BMPER: variants seen among roughly 807,000 people sequenced by gnomAD.
BMPER encodes BMP binding endothelial regulator, also known as BMP-binding endothelial regulator protein.
A neutral mutation model predicts 87.3 loss-of-function variants in BMPER; 45 were observed. The ratio of observed to expected loss-of-function variants is 0.52; its 90% confidence interval spans 0.41 to 0.66. The LOEUF (loss-of-function observed/expected upper bound fraction) is 0.66, where lower values mean the gene tolerates loss of function less well. Ranked by LOEUF, BMPER falls within the 30% of genes least tolerant of loss-of-function variation. BMPER has a pLI of 0.00. For synonymous variants in BMPER, 326 were observed against 316.2 expected (o/e 1.03, Z -0.33); for missense variants, 784 against 867.5 (o/e 0.90, Z 1.21).
At chr7:33,998,373 G>C (rs753767668) in intron 6 of BMPER, among the ~76,000 whole-genome samples, 4 of 152,208 alleles carry the variant, frequency 2.6e-5, no homozygotes, top group Non-Finnish European at 5.9e-5. Flanking sequence ...AGGTCAGCTA[G>C]ACTTCGGTGG....
At chr7:33,965,861 A>C (rs1486744772) in intron 3 of BMPER, among the ~76,000 whole-genome samples, 1 of 746 alleles carries the variant, frequency 1.3e-3, no homozygotes, top group African/African-American at 5.1e-3. Context: ...AACATGTGAT[A>C]ATCCATACTT....
chr7:34,025,546 A>G (rs1787336195), intron 6 of BMPER, among the ~76,000 whole-genome samples: 1 of 151,936 alleles, frequency 6.6e-6, no homozygotes, highest in African/African-American at 2.4e-5. Flanking sequence ...TGCAAGAAGG[A>G]GGATCTACCC....
chr7:33,998,527 G>A (rs113424315), intron 6 of BMPER, among the ~76,000 whole-genome samples: 4,695 of 152,264 alleles, frequency 0.031, 100 homozygotes, highest in Non-Finnish European at 0.047. Flanking sequence ...CAAAACTTAG[G>A]CACTCTCAAG....
intron 13 of BMPER, among the ~76,000 whole-genome samples, chr7:34,100,133 T>C (rs1789641448): frequency 6.6e-6 from 1 of 152,204 alleles, no homozygotes; most frequent in Non-Finnish European, 1.5e-5. Flanking sequence ...GTGTTACGAT[T>C]ACAGGGGTGA....
chr7:34,118,999 C>A (rs1301607343), intron 13 of BMPER, among the ~76,000 whole-genome samples: 1 of 117,716 alleles, frequency 8.5e-6, no homozygotes, highest in East Asian at 2.7e-4. Context: ...CTCTCACTGT[C>A]TCTCTCTCTC....
intron 3 of BMPER, among the ~76,000 whole-genome samples, chr7:33,956,778 T>C (rs1243643115): frequency 6.6e-6 from 1 of 152,222 alleles, no homozygotes; most frequent in Non-Finnish European, 1.5e-5. Context: ...AAGAATACAG[T>C]GTATAATACA....
intron 3 of BMPER, among the ~76,000 whole-genome samples, chr7:33,951,218 T>G (rs1785012935): frequency 6.6e-6 from 1 of 152,022 alleles, no homozygotes; most frequent in Admixed American, 6.6e-5. Context: ...AAGCTAATTT[T>G]TGTATTTTTA....
intron 10 of BMPER, among the ~76,000 whole-genome samples, chr7:34,059,389 G>A (rs1215318185): frequency 2.6e-5 from 4 of 152,008 alleles, no homozygotes; most frequent in African/African-American, 9.7e-5. Flanking sequence ...TGCTCTTGCT[G>A]GGGGAGGGGA....
intron 11 of BMPER, among the ~76,000 whole-genome samples, chr7:34,063,414 T>A (rs1357369463): frequency 1.3e-5 from 2 of 152,044 alleles, no homozygotes; most frequent in Middle Eastern, 3.4e-3. Flanking sequence ...TGTATTTATA[T>A]AAAACTATTA....
chr7:33,932,082 T>A (rs547010985), intron 2 of BMPER, among the ~76,000 whole-genome samples: 1 of 152,154 alleles, frequency 6.6e-6, no homozygotes, highest in Non-Finnish European at 1.5e-5. Flanking sequence ...AAGGCTTTGT[T>A]TTTCAGCTTT....
chr7:34,149,598 T>C (rs917748291), intron 14 of BMPER, among the ~76,000 whole-genome samples: 3 of 151,978 alleles, frequency 2.0e-5, no homozygotes, highest in East Asian at 3.9e-4. Flanking sequence ...CAGGAGGTGA[T>C]GTGAACATTT....
intron 6 of BMPER, among the ~76,000 whole-genome samples, chr7:33,992,093 G>C (rs1786238119): frequency 6.6e-6 from 1 of 152,204 alleles, no homozygotes; most frequent in Admixed American, 6.5e-5. Flanking sequence ...AGTATATTCT[G>C]TTGATTTGGG....
intron 12 of BMPER, among the ~76,000 whole-genome samples, chr7:34,080,316 G>A (rs1411186499): frequency 6.6e-6 from 1 of 152,164 alleles, no homozygotes; most frequent in East Asian, 1.9e-4. Flanking sequence ...AAGCCAAAAG[G>A]TATTTTGATA....
At chr7:34,030,261 A>G (rs1787485678) in intron 6 of BMPER, among the ~76,000 whole-genome samples, 1 of 152,138 alleles carries the variant, frequency 6.6e-6, no homozygotes, top group Middle Eastern at 3.2e-3. Flanking sequence ...AGGAAGAAAC[A>G]TACAGCTATA....
chr7:34,069,404 T>C (rs1788681275), intron 11 of BMPER, among the ~76,000 whole-genome samples: 1 of 152,228 alleles, frequency 6.6e-6, no homozygotes, highest in Non-Finnish European at 1.5e-5. Context: ...GCCTCTGCAA[T>C]TGCTCCTATA....
rs568602993 is a variant in BMPER, at chr7:33,977,932, A to G, written c.576+3148A>G. 8.5e-5 allele frequency among the ~76,000 whole-genome samples: 13 copies of G among 152,290 alleles called. 2 individuals carry two copies. Among genetic ancestry groups the G allele is most frequent in the African/African-American group, 2.9e-4 (12 of 41,568 alleles). ...TGTGTAAGTAGTTTATTTGGGAGATACAGAAGGCTCTGGCAGAAGAGTGCG... is the reference window on the plus strand; with the variant it reads ...TGTGTAAGTAGTTTATTTGGGAGATGCAGAAGGCTCTGGCAGAAGAGTGCG... On this transcript the variant is annotated intron_variant, in intron 6 of 14. Coordinates refer to ENST00000649409, the MANE Select transcript of BMPER (RefSeq NM_001365308.1).
intron 13 of BMPER, among the ~76,000 whole-genome samples, chr7:34,123,404 G>A (rs571112781): frequency 1.5e-4 from 23 of 152,210 alleles, no homozygotes; most frequent in African/African-American, 5.5e-4. Context: ...CAACTCCTGG[G>A]GTATATGTAT....
At chr7:34,023,085 C>T (rs1162570702) in intron 6 of BMPER, among the ~76,000 whole-genome samples, 7 of 152,022 alleles carry the variant, frequency 4.6e-5, no homozygotes, top group African/African-American at 1.4e-4. Context: ...ATGAAAGTGG[C>T]ATCGTTTTGC....
chr7:34,058,669 T>C (rs1371416728), intron 10 of BMPER, among the ~76,000 whole-genome samples: 2 of 152,232 alleles, frequency 1.3e-5, no homozygotes, highest in Non-Finnish European at 1.5e-5. Context: ...CAAATGGAAA[T>C]AGCATCCTTA....
Sources: allele counts gnomAD v4.1 joint callset (sites outside exome capture counted in the v4.1 genomes callset), GRCh38; gene constraint gnomAD v4.1.1; transcripts MANE v1.5; gene names NCBI Gene and HGNC (gene_info 2026-07-23, HGNC 2026-07-21).